The following FGF14 variants were observed in gnomAD, a reference collection of about 807,000 sequenced individuals.
FGF14 encodes the protein fibroblast growth factor homologous factor 4.
In FGF14, 5 loss-of-function variants were observed where a neutral mutation model predicts 25.5. The observed-to-expected ratio is 0.20, with a 90% CI of 0.10 to 0.41. The LOEUF (loss-of-function observed/expected upper bound fraction) is 0.41. Ranked by LOEUF, FGF14 falls within the 10% of genes least tolerant of loss-of-function variation. FGF14 has a pLI of 1.00. For missense variants in FGF14, 222 were observed against 320.1 expected (o/e 0.69, Z 2.34); for synonymous variants, 138 against 118.3 (o/e 1.17, Z -1.08).
rs2043001197 is a variant in FGF14, at chr13:101,837,819, G to C, written c.408+30906C>G. 3.3e-5 allele frequency among the ~76,000 whole-genome samples: 5 copies of C among 152,066 alleles called. No individual in the cohort carries two copies. In the South Asian group the frequency reaches 8.3e-4, roughly 25 times the overall value. Reference sequence around the variant, plus strand: ...AGGATGCAAAGTAGTGCTCCTGGGTGTGTCTGTGAGGGTGTTGCCAAAAGA... The same window carrying C: ...AGGATGCAAAGTAGTGCTCCTGGGTCTGTCTGTGAGGGTGTTGCCAAAAGA... On this transcript the variant is annotated intron_variant, in intron 3 of 4. Transcript: ENST00000376143.
At chr13:101,738,573 G>C (rs1337098131) in intron 3 of FGF14, among the ~76,000 whole-genome samples, 1 of 152,064 alleles carries the variant, frequency 6.6e-6, no homozygotes, top group East Asian at 1.9e-4. Flanking sequence ...GGGAGGCCAG[G>C]AAAGCAAGAA....
At position 102,086,902 on chromosome 13, in the gene FGF14, G is replaced by A. The variant is rs144745743; in HGVS notation, c.209-211606C>T. Among the ~76,000 whole-genome samples, 19 of 152,292 alleles carry A rather than the reference G, an allele frequency of 1.2e-4. No homozygotes were observed. In the East Asian group the frequency reaches 2.7e-3, roughly 22 times the overall value. On this transcript the variant is annotated intron_variant, in intron 1 of 4. Transcript: ENST00000376131. ...AGGATTACGTAGAGTGAGTAAAGGC[G>A]ATTGACACAGGAGGCAGTCTGATGA...
chr13:101,818,810 C>A, intron 3 of FGF14, among the ~76,000 whole-genome samples: 1 of 152,146 alleles, frequency 6.6e-6, no homozygotes, highest in East Asian at 1.9e-4. Flanking sequence ...TTTAAAATGG[C>A]AATAATCCCT....
intron 3 of FGF14, among the ~76,000 whole-genome samples, chr13:101,852,033 T>G (rs1213371673): frequency 2.6e-5 from 4 of 152,124 alleles, no homozygotes; most frequent in Non-Finnish European, 5.9e-5. Flanking sequence ...CTGCTTTTCT[T>G]TGGATAATCT....
At position 102,222,754 on chromosome 13, in the gene FGF14, T is replaced by C. The variant is rs567415962; in HGVS notation, c.208+178717A>G. Among the ~76,000 whole-genome samples, 110 of 152,258 alleles carry C rather than the reference T, an allele frequency of 7.2e-4. No individual in the cohort carries two copies. The South Asian group carries it at 0.014, about 20-fold the overall frequency. On this transcript the variant is annotated intron_variant, in intron 1 of 4. Transcript: ENST00000376131. Reference sequence around the variant, plus strand: ...TCCCATTCTCCTTGAGTAGTCTTTGTGGTTATCCTGCTCATTCTTCATGAA... The same window carrying C: ...TCCCATTCTCCTTGAGTAGTCTTTGCGGTTATCCTGCTCATTCTTCATGAA...
chr13:102,250,654 C>G (rs2052122232), intron 1 of FGF14, among the ~76,000 whole-genome samples: 1 of 152,146 alleles, frequency 6.6e-6, no homozygotes, highest in African/African-American at 2.4e-5. Flanking sequence ...AGCCTGTTCA[C>G]TTTGTTAACC....
At chr13:101,920,883 T>A (rs150738385), upstream of FGF14, among the ~76,000 whole-genome samples, 568 of 152,214 alleles carry the variant, frequency 3.7e-3, 9 homozygotes, top group Admixed American at 0.031. Flanking sequence ...ATGATGAGGG[T>A]CTATGAGAAA....
At chr13:101,790,647 C>T (rs2140088585) in intron 3 of FGF14, among the ~76,000 whole-genome samples, 1 of 152,160 alleles carries the variant, frequency 6.6e-6, no homozygotes, top group South Asian at 2.1e-4. Context: ...GCATTCTTCA[C>T]ACTTCAGCAT....
intron 1 of FGF14, among the ~76,000 whole-genome samples, chr13:101,966,008 T>C (rs1358821235): frequency 1.3e-5 from 2 of 152,344 alleles, no homozygotes; most frequent in East Asian, 3.9e-4. Flanking sequence ...TCTATTCCTG[T>C]ACCTAAATTT....
intron 3 of FGF14, among the ~76,000 whole-genome samples, chr13:101,862,398 C>T (rs578042740): frequency 4.6e-5 from 7 of 151,598 alleles, no homozygotes; most frequent in East Asian, 2.0e-4. Flanking sequence ...TTTCACTATC[C>T]ACTCCAATGT....
intron 1 of FGF14, among the ~76,000 whole-genome samples, chr13:102,006,502 T>C (rs1474191922): frequency 6.6e-6 from 1 of 151,954 alleles, no homozygotes; most frequent in African/African-American, 2.4e-5. Context: ...GAAAGCAAAC[T>C]TATTTTACAA....
rs529045740 is a variant in FGF14, at chr13:102,193,667, C to A, written c.208+207804G>T. Among the ~76,000 whole-genome samples, 4 of 152,218 alleles carry A rather than the reference C, an allele frequency of 2.6e-5. No individual in the cohort carries two copies. In the East Asian group the frequency reaches 7.7e-4, roughly 29 times the overall value. ...AAATGCATGTCTAGTCATTAGCTGA[C>A]AATTATGTTAACCAGTTACTACACA... On this transcript the variant is annotated intron_variant, in intron 1 of 4. Transcript: ENST00000376131.
chr13:102,140,092 T>G (rs2046585957), intron 1 of FGF14, among the ~76,000 whole-genome samples: 1 of 126,090 alleles, frequency 7.9e-6, no homozygotes, highest in Non-Finnish European at 1.6e-5. Flanking sequence ...GGTGCTTTGG[T>G]GGAAAATGGT....
At chr13:102,224,725 A>G (rs913131903) in intron 1 of FGF14, among the ~76,000 whole-genome samples, 3 of 152,210 alleles carry the variant, frequency 2.0e-5, no homozygotes, top group African/African-American at 7.2e-5. Context: ...TACATAATGT[A>G]TTTCCATCAA....
chr13:102,350,346 C>T (rs2057239426), intron 1 of FGF14, among the ~76,000 whole-genome samples: 1 of 151,250 alleles, frequency 6.6e-6, no homozygotes, highest in South Asian at 2.1e-4. Flanking sequence ...TGCACTCCAG[C>T]CTAGGTGACA....
chr13:102,339,661 A>G (rs1224075257), intron 1 of FGF14, among the ~76,000 whole-genome samples: 3 of 152,208 alleles, frequency 2.0e-5, no homozygotes, highest in South Asian at 2.1e-4. Flanking sequence ...TTTTCATTCT[A>G]TAAGTCTGCA....
At chr13:102,334,276 C>T (rs1594880392) in intron 1 of FGF14, among the ~76,000 whole-genome samples, 1 of 152,100 alleles carries the variant, frequency 6.6e-6, no homozygotes, top group African/African-American at 2.4e-5. Flanking sequence ...TGGTTTAGTC[C>T]TATCTGATAG....
chr13:102,135,952 G>A (rs746120975), intron 1 of FGF14, among the ~76,000 whole-genome samples: 1 of 152,050 alleles, frequency 6.6e-6, no homozygotes, highest in Non-Finnish European at 1.5e-5. Flanking sequence ...CACCACGCCC[G>A]GCCCCCGTTA....
chr13:101,935,246 G>A (rs1429913428), intron 1 of FGF14, among the ~76,000 whole-genome samples: 1 of 152,160 alleles, frequency 6.6e-6, no homozygotes, highest in Non-Finnish European at 1.5e-5. Flanking sequence ...GCCCCTTCAG[G>A]GCTACATCCA....
Sources: gnomAD v4.1 joint callset for allele counts (sites outside exome capture counted in the v4.1 genomes callset) on GRCh38, gnomAD v4.1.1 for gene constraint, MANE v1.5 for transcripts, NCBI Gene and HGNC (gene_info 2026-07-23, HGNC 2026-07-21) for gene names.